Variants in OR6J1 observed in about 807,000 individuals in gnomAD.
OR6J1 encodes the protein olfactory receptor 6J1.
For synonymous variants in OR6J1, 109 were observed against 70.0 expected, an observed-to-expected ratio of 1.56 and a Z score of -2.78; for missense variants, 304 against 166.8, an observed-to-expected ratio of 1.82 and a Z score of -4.53.
chr14:22,638,214 G>A (rs1172530421), intron 1 of OR6J1, among the ~76,000 whole-genome samples: 3 of 73,684 alleles, frequency 4.1e-5, no homozygotes, highest in Non-Finnish European at 5.0e-5. Context: ...ATAGAAAGGC[G>A]GGAAGGGTGG....
At chr14:22,642,039 A>G (rs891574287) in intron 1 of OR6J1, among the ~76,000 whole-genome samples, 2 of 152,034 alleles carry the variant, frequency 1.3e-5, no homozygotes, top group African/African-American at 4.8e-5. Context: ...CCGAGGACTG[A>G]GTTGACCTCT....
chr14:22,643,756 C>CAGAGAGAG (rs1193688098), intron 1 of OR6J1, among the ~76,000 whole-genome samples: 47 of 73,108 alleles, frequency 6.4e-4, no homozygotes, highest in African/African-American at 1.3e-3. Context: ...CACACACACA[C>CAGAGAGAG]ACACACACAG....
intron 1 of OR6J1, among the ~76,000 whole-genome samples, chr14:22,639,016 C>A (rs2037619810): frequency 9.3e-6 from 1 of 107,222 alleles, no homozygotes; most frequent in Non-Finnish European, 1.8e-5. Flanking sequence ...CCGGCCGAGA[C>A]CCCGTCTGGG....
rs1463149848 is a variant in OR6J1 at position 22,634,628 on chromosome 14, A to G, written c.184T>C (p.Leu62=). ...ATGTCCAGGATAGAGAGGTTGCACA[A>G]GAAGAAGTACATGGGGGTGTGGAGG... ...SRLHTPMYFF[L]CNLSILDILF... Residue 62 remains leucine, a synonymous_variant, in exon 2 of 2, where the codon TTG becomes CTG. Coordinates refer to ENST00000540461, the MANE Select transcript of OR6J1 (RefSeq NM_001348233.2). 1.4e-6 allele frequency: 1 copy of G among 740,590 alleles called. No individual in the cohort carries two copies. The highest frequency in any genetic ancestry group is 1.4e-5 in the South Asian group (1 of 70,366). 45.9% of individuals were successfully genotyped at this position (740,590 alleles called of 1,614,324 possible). A position where few individuals can be genotyped will look rare whatever the true frequency, so the allele number is the denominator to read the frequency against.
At chr14:22,641,460 A>T (rs1295277882) in intron 1 of OR6J1, among the ~76,000 whole-genome samples, 8 of 48,756 alleles carry the variant, frequency 1.6e-4, no homozygotes, top group East Asian at 3.9e-3. Context: ...AAAGAAAGAA[A>T]GAAAGAAAAA....
At position 22,632,026 on chromosome 14, in the gene OR6J1, A is replaced by C. The variant is rs2037550123; in HGVS notation, c.*1742T>G. 1 of 152,232 alleles carries C rather than the reference A, an allele frequency of 6.6e-6. No homozygotes were observed. Among genetic ancestry groups the C allele is most frequent in the Non-Finnish European group, 1.5e-5 (1 of 68,098 alleles). The allele number at this position is 152,232 out of a possible 1,614,324, so 9.4% of individuals were successfully genotyped here. A position where few individuals can be genotyped will look rare whatever the true frequency, so the allele number is the denominator to read the frequency against. On this transcript the variant is annotated 3_prime_UTR_variant, in exon 2 of 2. Coordinates refer to ENST00000540461, the MANE Select transcript of OR6J1 (RefSeq NM_001348233.2). ...AGTAGTCTTCATTTATGTCCACAGA[A>C]CTCTGCAGCAGTTCCTTAGGTATGC... is the stretch of plus-strand genomic sequence containing the variant.
intron 1 of OR6J1, among the ~76,000 whole-genome samples, chr14:22,636,535 TGAGTGCCTGCGATTGCAGGC>T (rs1384075030): frequency 7.2e-5 from 8 of 110,972 alleles, no homozygotes; most frequent in Non-Finnish European, 1.2e-4. Flanking sequence ...CTCAGCCTGC[TGAGTGCCTGCGATTGCAGGC>T]GCACGCCGCC....
chr14:22,643,606 G>T (rs1366821964), intron 1 of OR6J1, among the ~76,000 whole-genome samples: 2 of 151,750 alleles, frequency 1.3e-5, no homozygotes, highest in Non-Finnish European at 2.9e-5. Flanking sequence ...ATTTGTAAAG[G>T]TTCATCTATG....
chr14:22,636,560 G>T (rs1462044098), intron 1 of OR6J1, among the ~76,000 whole-genome samples: 1 of 116,448 alleles, frequency 8.6e-6, no homozygotes, highest in Non-Finnish European at 1.7e-5. Flanking sequence ...GCAGGCGCAC[G>T]CCGCCACGCC....
intron 1 of OR6J1, among the ~76,000 whole-genome samples, chr14:22,635,685 T>C (rs1450198397): frequency 1.3e-5 from 2 of 152,224 alleles, no homozygotes; most frequent in African/African-American, 4.8e-5. Flanking sequence ...CCCACACAGA[T>C]GTGGAACAGT....
chr14:22,642,587 C>T (rs531015928), intron 1 of OR6J1, among the ~76,000 whole-genome samples: 168 of 151,878 alleles, frequency 1.1e-3, no homozygotes, highest in African/African-American at 3.8e-3. Flanking sequence ...ATCTTCCCGC[C>T]TTGACCTCCC....
intron 1 of OR6J1, among the ~76,000 whole-genome samples, chr14:22,643,758 C>CAGAGAGAGAGAG (rs1235103171): frequency 4.3e-4 from 26 of 60,700 alleles, no homozygotes; most frequent in South Asian, 2.1e-3. Flanking sequence ...CACACACACA[C>CAGAGAGAGAGAG]ACACACAGAG....
At chr14:22,635,461 G>T (rs564745238) in intron 1 of OR6J1, among the ~76,000 whole-genome samples, 1 of 152,182 alleles carries the variant, frequency 6.6e-6, no homozygotes. Flanking sequence ...TTACAAACTT[G>T]TAATGACATT....
At chr14:22,640,459 T>TTCAGC (rs1293668183) in intron 1 of OR6J1, among the ~76,000 whole-genome samples, 1 of 149,784 alleles carries the variant, frequency 6.7e-6, no homozygotes, top group Non-Finnish European at 1.5e-5. Context: ...ATGAATAAAC[T>TTCAGC]TCAGCTCAAC....
At chr14:22,637,280 TGGG>T (rs1372309340) in intron 1 of OR6J1, among the ~76,000 whole-genome samples, 1 of 58,684 alleles carries the variant, frequency 1.7e-5, no homozygotes, top group Non-Finnish European at 3.0e-5. Context: ...GGGAGGGAGG[TGGG>T]GGGGGTCAGC....
chr14:22,635,341 A>G (rs974222845), intron 1 of OR6J1, among the ~76,000 whole-genome samples: 2 of 152,242 alleles, frequency 1.3e-5, no homozygotes, highest in African/African-American at 4.8e-5. Context: ...TTTTACAGTA[A>G]CATATAAATG....
chr14:22,638,668 AAAAAAAT>A (rs2037615231), intron 1 of OR6J1, among the ~76,000 whole-genome samples: 4 of 115,992 alleles, frequency 3.4e-5, no homozygotes, highest in Non-Finnish European at 7.7e-5. Flanking sequence ...TAAAAATAAA[AAAAAAAT>A]AAAAAAAATT....
Position 22,632,863 on chromosome 14 carries a change from G to A in OR6J1, c.*905C>T. 1 of 152,118 alleles carries A rather than the reference G, an allele frequency of 6.6e-6. No homozygotes were observed. Among genetic ancestry groups the A allele is most frequent in the Non-Finnish European group, 1.5e-5 (1 of 68,052 alleles). 9.4% of individuals were successfully genotyped at this position (152,118 alleles called of 1,614,324 possible). On this transcript the variant is annotated 3_prime_UTR_variant, in exon 2 of 2. Transcript: ENST00000540461. ...GTGGGCTGTCATCTCTCTCTTCTCT[G>A]TTTTTCTCTATACATCAACTGCATT...
intron 1 of OR6J1, among the ~76,000 whole-genome samples, chr14:22,640,937 G>A (rs2037640467): frequency 2.6e-5 from 4 of 151,384 alleles, no homozygotes; most frequent in South Asian, 2.1e-4. Context: ...GGAAGGCCGA[G>A]GTGGGAGGAT....
Sources: allele counts gnomAD v4.1 joint callset (sites outside exome capture counted in the v4.1 genomes callset), GRCh38; gene constraint gnomAD v4.1.1; transcripts MANE v1.5; gene names NCBI Gene and HGNC (gene_info 2026-07-23, HGNC 2026-07-21).